CHADL: variants seen among roughly 807,000 people sequenced by gnomAD.
The protein encoded by CHADL is chondroadherin like.
CHADL carries 48 observed loss-of-function variants against 52.1 expected under a neutral mutation model. That is an observed-to-expected ratio of 0.92 (90% CI 0.73 to 1.17). The LOEUF (loss-of-function observed/expected upper bound fraction) is 1.17, where lower values mean the gene tolerates loss of function less well. Among genes scored for constraint, CHADL ranks in the 50% most tolerant of loss-of-function variants. The pLI, the probability that CHADL is intolerant of heterozygous loss-of-function variation, is 0.00. For synonymous variants in CHADL, 498 were observed against 511.2 expected (o/e 0.97, Z 0.35); for missense variants, 977 against 1,035.1 (o/e 0.94, Z 0.77).
rs769398487 is a variant in CHADL at position 41,229,711 on chromosome 22, C to T, written c.2282G>A (p.Arg761His). Residue 761 changes from arginine (R) to histidine (H), a missense_variant, in exon 6 of 6, where the codon CGT (arginine) becomes CAT (histidine). Transcript: ENST00000216241. ...GADKVGKEKG[R>H]L ...GACCAGCCTGCTCCGTGCTCAGAGA[C>T]GACCCTTCTCCTTCCCCACCTGGGC... is the stretch of plus-strand genomic sequence containing the variant. The T allele has an allele frequency of 8.1e-5, 131 of 1,612,238 alleles. No individual in the cohort carries two copies. Among genetic ancestry groups the T allele is most frequent in the East Asian group, 3.8e-4 (17 of 44,886 alleles).
rs1216174690 is a variant in CHADL, at chr22:41,236,478, G to C, written c.2063+6C>G. The C allele has an allele frequency of 3.2e-6, 5 of 1,549,316 alleles. No homozygotes were observed. The highest frequency in any genetic ancestry group is 4.4e-6 in the Non-Finnish European group (5 of 1,145,842). On this transcript the variant is annotated splice_donor_region_variant and intron_variant, in intron 4 of 5. Transcript: ENST00000216241. ...TTTGGCTGGAGGTCTAGGTGGGGGT[G>C]CCCACCTGTGCAGCGGAAGCAGCTG...
chr22:41,237,219 C>T lies in CHADL; in HGVS notation c.1853G>A (p.Arg618Lys). 6.5e-7 allele frequency: 1 copy of T among 1,549,418 alleles called. No homozygotes were observed. Among genetic ancestry groups the T allele is most frequent in the Non-Finnish European group, 8.7e-7 (1 of 1,146,220 alleles). Residue 618 changes from arginine (R) to lysine (K), a missense_variant, in exon 3 of 6, where the codon AGG (arginine) becomes AAG (lysine). Transcript: ENST00000216241. Reference sequence around the variant, plus strand: ...GTTCAGGAAGAGGTGCTGCAGCGACCTGCCCACAGGCTGGAAGGCTCCGTC... The same window carrying T: ...GTTCAGGAAGAGGTGCTGCAGCGACTTGCCCACAGGCTGGAAGGCTCCGTC... ...LRDGAFQPVG[R>K]SLQHLFLNSS...
At chr22:41,236,946 C>T (rs149937267) in intron 3 of CHADL, among the ~76,000 whole-genome samples, 1 of 152,358 alleles carries the variant, frequency 6.6e-6, no homozygotes, top group East Asian at 1.9e-4. Flanking sequence ...CCAAATTCCT[C>T]CCTCCTCTAT....
chr22:41,232,805 C>T (rs1284124660), intron 5 of CHADL, among the ~76,000 whole-genome samples: 2 of 152,096 alleles, frequency 1.3e-5, no homozygotes, highest in African/African-American at 4.8e-5. Context: ...AACCCAGCTC[C>T]GCTTCTACAT....
At chr22:41,240,783 G>A (rs548036233) in intron 1 of CHADL, 91 bp downstream of exon 1, 3 of 1,459,092 alleles carry the variant, frequency 2.1e-6, no homozygotes, top group African/African-American at 1.4e-5. Flanking sequence ...CTGCCCGCCA[G>A]CCTCTGAGAG....
intron 5 of CHADL, among the ~76,000 whole-genome samples, chr22:41,234,364 C>CATCATTATTATT (rs71328786): frequency 7.2e-6 from 1 of 139,358 alleles, no homozygotes; most frequent in Non-Finnish European, 1.5e-5. Flanking sequence ...GGAGGATGGA[C>CATCATTATTATT]ATTATTATTA....
chr22:41,233,641 G>C (rs2032679254), intron 5 of CHADL, among the ~76,000 whole-genome samples: 1 of 152,192 alleles, frequency 6.6e-6, no homozygotes, highest in Non-Finnish European at 1.5e-5. Context: ...ACCTGTTCCA[G>C]AGAGCACTAC....
At position 41,237,365 on chromosome 22, in the gene CHADL, C is replaced by A; in HGVS notation, c.1707G>T (p.Arg569=). 6.4e-7 allele frequency: 1 copy of A among 1,550,682 alleles called. No individual in the cohort carries two copies. Among genetic ancestry groups the A allele is most frequent in the South Asian group, 1.2e-5 (1 of 84,068 alleles). Residue 569 remains arginine, a synonymous_variant, in exon 3 of 6, where the codon CGG becomes CGT. Transcript: ENST00000216241. ...TGTCCAGGTGCAGCTTCTCCAGCTC[C>A]CGAGCTGGGCCCAGCGCCCCAAGGG... The part of the protein sequence containing the change: ...EVSLGALGPA[R]ELEKLHLDRN...
At chr22:41,235,804 C>T (rs2032730288) in intron 4 of CHADL, among the ~76,000 whole-genome samples, 3 of 152,158 alleles carry the variant, frequency 2.0e-5, no homozygotes, top group Admixed American at 2.0e-4. Flanking sequence ...ACGCGGCTTG[C>T]AGAGTTAGTT....
chr22:41,229,522 ATCCAT>A lies in CHADL; in HGVS notation c.*177_*181del. ...AATACAACCCTAATGCTGGGTTTGA[ATCCAT>A]TTTTATTCAAAGGGAAAAGAATCCC... On this transcript the variant is annotated 3_prime_UTR_variant, in exon 6 of 6. Coordinates refer to ENST00000216241, the MANE Select transcript of CHADL (RefSeq NM_138481.2). 1 of 1,603,618 alleles carries A rather than the reference ATCCAT, an allele frequency of 6.2e-7. No individual in the cohort carries two copies. Among genetic ancestry groups the A allele is most frequent in the Non-Finnish European group, 8.5e-7 (1 of 1,172,108 alleles).
Position 41,237,255 on chromosome 22 carries a change from C to T in CHADL, c.1817G>A (p.Arg606Lys), listed in dbSNP as rs2032760895. Residue 606 changes from arginine (R) to lysine (K), a missense_variant, in exon 3 of 6, where the codon AGG becomes AAG. Transcript: ENST00000216241. ...CTGGAAGGCTCCGTCACGCAAGGCCCTGAGTGGGTTGCCCGAGAGCTGCAG... is the reference window on the plus strand; with the variant it reads ...CTGGAAGGCTCCGTCACGCAAGGCCTTGAGTGGGTTGCCCGAGAGCTGCAG... ...LELQLSGNPL[R>K]ALRDGAFQPV... is the part of the protein sequence containing the mutation. 2.6e-6 allele frequency: 4 copies of T among 1,550,482 alleles called. No individual in the cohort carries two copies. The highest frequency in any genetic ancestry group is 1.4e-5 in the African/African-American group (1 of 73,066).
intron 5 of CHADL, among the ~76,000 whole-genome samples, chr22:41,232,145 A>G (rs1046922753): frequency 6.6e-5 from 10 of 151,870 alleles, no homozygotes; most frequent in African/African-American, 2.4e-4. Flanking sequence ...ATCCTGGCTA[A>G]CACGATGAAA....
chr22:41,235,231 C>T lies in CHADL; in HGVS notation c.2176G>A (p.Ala726Thr). The change falls in exon 5 of 6, where the codon GCT becomes ACT. Residue 726 changes from alanine to threonine, a missense_variant. Transcript: ENST00000216241. ...AAVFEDCPGW[A>T]ARKAKRTPAS... is the part of the protein sequence containing the mutation. ...GGTGTCCGCTTGGCCTTTCTGGCAGCCCAGCCCGGGCAGTCTTCAAAGACA... is the reference window on the plus strand; with the variant it reads ...GGTGTCCGCTTGGCCTTTCTGGCAGTCCAGCCCGGGCAGTCTTCAAAGACA... 6.4e-7 allele frequency: 1 copy of T among 1,551,438 alleles called. No homozygotes were observed. The highest frequency in any genetic ancestry group is 1.2e-5 in the South Asian group (1 of 84,066).
intron 3 of CHADL, 86 bp downstream of exon 3, chr22:41,237,090 C>A (rs1601557935): frequency 7.3e-7 from 1 of 1,360,716 alleles, no homozygotes; most frequent in East Asian, 2.5e-5. Flanking sequence ...CACCAAGGGG[C>A]TGGCAAATGC....
chr22:41,231,862 T>G (rs2032601519), intron 5 of CHADL, among the ~76,000 whole-genome samples: 1 of 152,102 alleles, frequency 6.6e-6, no homozygotes, highest in Non-Finnish European at 1.5e-5. Flanking sequence ...GGCCATCCAG[T>G]CTAGCCCCTC....
Position 41,230,532 on chromosome 22 carries a change from C to CGCTA in CHADL, c.2263-806_2263-803dup, listed in dbSNP as rs754499198. ...CCAGCCAGAGTTCCCAAAGCTGGAA[C>CGCTA]GCTAGCTGCCTGCTCTTCCTTAAGA... On this transcript the variant is annotated intron_variant, in intron 5 of 5. Transcript: ENST00000216241. 37 of 433,526 alleles carry CGCTA rather than the reference C, an allele frequency of 8.5e-5. 1 individual carries two copies. The highest frequency in any genetic ancestry group is 6.8e-4 in the East Asian group (15 of 22,092). The allele number at this position is 433,526 out of a possible 1,614,324, so 26.9% of individuals were successfully genotyped here.
Position 41,238,960 on chromosome 22 carries a change from A to C in CHADL, c.187-75T>G. 6.9e-7 allele frequency: 1 copy of C among 1,451,370 alleles called. No homozygotes were observed. Among genetic ancestry groups the C allele is most frequent in the Non-Finnish European group, 9.1e-7 (1 of 1,097,624 alleles). The allele number at this position is 1,451,370 out of a possible 1,614,324, so 89.9% of individuals were successfully genotyped here. A position where few individuals can be genotyped will look rare whatever the true frequency, so the allele number is the denominator to read the frequency against. On this transcript the variant is annotated intron_variant, in intron 2 of 5. Transcript: ENST00000216241. This position sits in a 1 kb window ranked among gnomAD's most constrained non-coding sequence, Gnocchi z 4.9. ...TTTGCAAGTGCTGCTTCTTCCCCGGAACACTCTTTTCTCCTGTCACCTTTC... is the reference window on the plus strand; with the variant it reads ...TTTGCAAGTGCTGCTTCTTCCCCGGCACACTCTTTTCTCCTGTCACCTTTC...
chr22:41,229,667 C>A lies in CHADL; in HGVS notation c.*37G>T. ...CTGTTCCTGGCGAGAGTAAGAGCCA[C>A]CGGGCTGGGTCAAGGCAGGACCAGC... On this transcript the variant is annotated 3_prime_UTR_variant, in exon 6 of 6. Transcript: ENST00000216241. 1 of 1,613,216 alleles carries A rather than the reference C, an allele frequency of 6.2e-7. No individual in the cohort carries two copies.
chr22:41,231,484 A>G (rs1329558389), intron 5 of CHADL, among the ~76,000 whole-genome samples: 2 of 152,252 alleles, frequency 1.3e-5, no homozygotes, highest in Non-Finnish European at 2.9e-5. Context: ...TGAGTTCCCC[A>G]GAGATGGAGC....
Sources: allele counts gnomAD v4.1 joint callset (sites outside exome capture counted in the v4.1 genomes callset), GRCh38; gene constraint gnomAD v4.1.1; non-coding constraint Gnocchi (gnomAD v3.1); transcripts MANE v1.5; gene names NCBI Gene and HGNC (gene_info 2026-07-23, HGNC 2026-07-21).